NOD1: variants seen among roughly 807,000 people sequenced by gnomAD.
The protein encoded by NOD1 is nucleotide-binding oligomerization domain-containing protein 1.
Under a neutral mutation model 81.2 loss-of-function variants are expected in NOD1, and 70 were observed. The observed-to-expected ratio is 0.86, with a 90% CI of 0.71 to 1.05. The LOEUF is 1.05. Among genes scored for constraint, NOD1 ranks in the 50% least tolerant of loss-of-function variants. The pLI, the probability that NOD1 is intolerant of heterozygous loss-of-function variation, is 0.00. For missense variants in NOD1, 1,233 were observed against 1,228.0 expected (o/e 1.00, Z -0.06); for synonymous variants, 508 against 526.9 (o/e 0.96, Z 0.49).
At chr7:30,447,427 C>T (rs1367621963) in intron 7 of NOD1, 1 of 256,378 alleles carries the variant, frequency 3.9e-6, no homozygotes, top group South Asian at 4.4e-5. Flanking sequence ...TTACATTCAG[C>T]GTCTTGAGAA....
rs192096653 is a variant in NOD1, at chr7:30,467,041, C to T, written c.-351-7000G>A. Among the ~76,000 whole-genome samples, 3 of 152,196 alleles carry T rather than the reference C, an allele frequency of 2.0e-5. No individual in the cohort carries two copies. Among genetic ancestry groups the T allele is most frequent in the African/African-American group, 7.2e-5 (3 of 41,524 alleles). On this transcript the variant is annotated intron_variant, in intron 1 of 13. Transcript: ENST00000222823. The surrounding 1 kb of genome is among the most constrained non-coding windows in gnomAD (Gnocchi z 4.5). Reference sequence around the variant, plus strand: ...GGGTTGGTATCCCTAAAAGCCAAGCCGACCAGTGATGAAAAAGAACACGGT... The same window carrying T: ...GGGTTGGTATCCCTAAAAGCCAAGCTGACCAGTGATGAAAAAGAACACGGT...
chr7:30,477,271 C>G (rs1359766894), intron 1 of NOD1, among the ~76,000 whole-genome samples: 1 of 152,252 alleles, frequency 6.6e-6, no homozygotes, highest in Non-Finnish European at 1.5e-5. Context: ...GCTTATCTGT[C>G]TGGCATATTC....
At chr7:30,433,271 CT>C (rs1172537145) in intron 11 of NOD1, 92 bp from the exon 12 acceptor site, 2 of 941,014 alleles carry the variant, frequency 2.1e-6, no homozygotes, top group Non-Finnish European at 3.4e-6. Flanking sequence ...GCCCAAGGCT[CT>C]CCAGCTATGC....
chr7:30,429,198 A>G (rs1022137013), intron 13 of NOD1, among the ~76,000 whole-genome samples, 176 bp downstream of exon 13: 3 of 152,250 alleles, frequency 2.0e-5, no homozygotes, highest in African/African-American at 7.2e-5. Context: ...ACCTTGGGCA[A>G]CCTTATTTCA....
chr7:30,438,764 G>A (rs1784602934), intron 9 of NOD1, among the ~76,000 whole-genome samples: 1 of 152,114 alleles, frequency 6.6e-6, no homozygotes, highest in Admixed American at 6.6e-5. Context: ...GAAAAAGGAA[G>A]GATACATATA....
intron 13 of NOD1, 40 bp from the exon 14 acceptor site, chr7:30,425,750 G>A (rs1179043574): frequency 1.4e-6 from 2 of 1,415,746 alleles, no homozygotes; most frequent in East Asian, 2.3e-5. Context: ...CAGGTAAAAT[G>A]TTAAGGATCC....
chr7:30,449,448 A>G (rs1220389711), intron 6 of NOD1, among the ~76,000 whole-genome samples: 1 of 152,224 alleles, frequency 6.6e-6, no homozygotes, highest in Non-Finnish European at 1.5e-5. Flanking sequence ...AGTAATAGCC[A>G]AGAAGTGTTC....
At chr7:30,445,123 A>G (rs1255597861) in intron 9 of NOD1, among the ~76,000 whole-genome samples, 1 of 63,852 alleles carries the variant, frequency 1.6e-5, no homozygotes, top group African/African-American at 8.0e-5. Flanking sequence ...GGGTCGGGGG[A>G]GGGGGGAGGG....
intron 1 of NOD1, among the ~76,000 whole-genome samples, chr7:30,472,460 A>G (rs1205816575): frequency 2.0e-5 from 3 of 152,238 alleles, no homozygotes; most frequent in African/African-American, 7.2e-5. Flanking sequence ...CTCCTGTCTC[A>G]TGACATGCTG....
chr7:30,425,967 G>GTCTT (rs1783413113), intron 13 of NOD1, among the ~76,000 whole-genome samples: 1 of 151,998 alleles, frequency 6.6e-6, no homozygotes, highest in African/African-American at 2.4e-5. Context: ...CATTTTCCAG[G>GTCTT]TCTTGTCTTT....
At chr7:30,434,597 C>T (rs1306988744) in intron 11 of NOD1, among the ~76,000 whole-genome samples, 1 of 152,136 alleles carries the variant, frequency 6.6e-6, no homozygotes, top group African/African-American at 2.4e-5. Context: ...ATACATAGAA[C>T]AAAAGGCTAG....
chr7:30,446,192 C>T lies in NOD1; in HGVS notation c.2402G>A (p.Gly801Glu), dbSNP rs1785064015. 1 of 1,614,062 alleles carries T rather than the reference C, an allele frequency of 6.2e-7. No homozygotes were observed. Among genetic ancestry groups the T allele is most frequent in the African/African-American group, 1.3e-5 (1 of 75,022 alleles). Reference sequence around the variant, plus strand: ...CTTCACAGCCAGGGCGAGATACTTCCCTCCTTCACTTGTTATTTTGTTTTT... The same window carrying T: ...CTTCACAGCCAGGGCGAGATACTTCTCTCCTTCACTTGTTATTTTGTTTTT... The part of the protein sequence containing the change: ...LGKNKITSEG[G>E]KYLALAVKNS... Residue 801 changes from glycine (G) to glutamate (E), a missense_variant, in exon 9 of 14, where the codon GGG (glycine) becomes GAG (glutamate). Transcript: ENST00000222823.
At chr7:30,474,875 C>T (rs993475864) in intron 1 of NOD1, among the ~76,000 whole-genome samples, 2 of 152,194 alleles carry the variant, frequency 1.3e-5, no homozygotes, top group Admixed American at 6.5e-5. Context: ...ATCATCAACA[C>T]GCCTGTTTTC....
rs1788997544 is a variant in NOD1, at chr7:30,478,310, A to G, written c.-352+296T>C. On this transcript the variant is annotated intron_variant, in intron 1 of 13. Transcript: ENST00000222823. This position sits in a 1 kb window ranked among gnomAD's most constrained non-coding sequence, Gnocchi z 4.1. ...GGAATTGATCTAGGGTGCAGCCTGGATATCTGGATTTTAAAAGCTCCCCAG... is the reference window on the plus strand; with the variant it reads ...GGAATTGATCTAGGGTGCAGCCTGGGTATCTGGATTTTAAAAGCTCCCCAG... 1.3e-5 allele frequency among the ~76,000 whole-genome samples: 2 copies of G among 151,996 alleles called. No individual in the cohort carries two copies. The highest frequency in any genetic ancestry group is 4.8e-5 in the African/African-American group (2 of 41,362).
intron 13 of NOD1, among the ~76,000 whole-genome samples, chr7:30,427,373 A>C (rs1363083413): frequency 6.6e-6 from 1 of 152,224 alleles, no homozygotes; most frequent in Non-Finnish European, 1.5e-5. Flanking sequence ...ACAGTTAACA[A>C]GTCCAAGGAG....
At chr7:30,472,951 G>C (rs1160766126) in intron 1 of NOD1, among the ~76,000 whole-genome samples, 4 of 152,176 alleles carry the variant, frequency 2.6e-5, no homozygotes, top group Non-Finnish European at 1.5e-5. Context: ...GTACTTAGTA[G>C]ACTCCTGGCA....
intron 1 of NOD1, among the ~76,000 whole-genome samples, chr7:30,469,376 C>T (rs4720003): frequency 0.17 from 25,354 of 152,098 alleles, 2,265 homozygotes; most frequent in Admixed American, 0.23. Context: ...GGAATCACCT[C>T]TCTCTCTCCC....
chr7:30,451,692 C>T lies in NOD1; in HGVS notation c.1725G>A (p.Arg575=), dbSNP rs759521383. 2 of 1,613,860 alleles carry T rather than the reference C, an allele frequency of 1.2e-6. No individual in the cohort carries two copies. Among genetic ancestry groups the T allele is most frequent in the Admixed American group, 1.7e-5 (1 of 60,022 alleles). ...GATCCTTGTTCTTGAAGAGGTCTTC[C>T]CGCGCCGGACCACTGCCCTGCAGGC... The part of the protein sequence containing the change: ...FQCLQGSGPA[R]EDLFKNKDHF... The change falls in exon 6 of 14, where the codon CGG becomes CGA. Residue 575 remains arginine (R), a synonymous_variant. Transcript: ENST00000222823. This position sits in a 1 kb window ranked among gnomAD's most constrained non-coding sequence, Gnocchi z 4.2.
At position 30,451,442 on chromosome 7, in the gene NOD1, T is replaced by C. The variant is rs750324113; in HGVS notation, c.1975A>G (p.Ile659Val). Reference sequence around the variant, plus strand: ...ACCTTCTGGCTCTGTGTCTCGTAGATGCAGCGCAGCATCCAGATGAACGTG... The same window carrying C: ...ACCTTCTGGCTCTGTGTCTCGTAGACGCAGCGCAGCATCCAGATGAACGTG... ...MPTFIWMLRC[I>V]YETQSQKVGQ... is the part of the protein sequence containing the mutation. The change falls in exon 6 of 14, where the codon ATC (isoleucine) becomes GTC (valine). Residue 659 changes from isoleucine (I) to valine (V), a missense_variant. Physicochemically the swap from Ile to Val is conservative, Grantham distance 29. Transcript: ENST00000222823. This position sits in a 1 kb window ranked among gnomAD's most constrained non-coding sequence, Gnocchi z 4.2. 9.9e-6 allele frequency: 16 copies of C among 1,613,678 alleles called. No individual in the cohort carries two copies. In the African/African-American group the frequency reaches 2.0e-4, roughly 20 times the overall value.
Sources: allele counts gnomAD v4.1 joint callset (sites outside exome capture counted in the v4.1 genomes callset), GRCh38; gene constraint gnomAD v4.1.1; non-coding constraint Gnocchi (gnomAD v3.1); transcripts MANE v1.5; gene names NCBI Gene and HGNC (gene_info 2026-07-23, HGNC 2026-07-21).